PPIG: variants seen among roughly 807,000 people sequenced by gnomAD.
PPIG encodes peptidylprolyl isomerase G.
Under a neutral mutation model 87.9 loss-of-function variants are expected in PPIG, and 26 were observed. That is an observed-to-expected ratio of 0.30 (90% CI 0.22 to 0.41). The LOEUF is 0.41. Ranked by LOEUF, PPIG falls within the 10% of genes least tolerant of loss-of-function variation. PPIG has a pLI of 1.00. For synonymous variants in PPIG, 308 were observed against 276.5 expected (o/e 1.11, Z -1.13); for missense variants, 722 against 879.4 (o/e 0.82, Z 2.26).
At chr2:169,626,197 C>T (rs529455660) in intron 9 of PPIG, among the ~76,000 whole-genome samples, 4 of 152,284 alleles carry the variant, frequency 2.6e-5, no homozygotes, top group East Asian at 1.9e-4. Context: ...TTTAGGTTAA[C>T]ACACATTCTG....
chr2:169,591,339 G>A (rs1225677356), intron 1 of PPIG, among the ~76,000 whole-genome samples: 8 of 152,134 alleles, frequency 5.3e-5, no homozygotes, highest in African/African-American at 1.7e-4. Flanking sequence ...ATAAATGATA[G>A]CACTGTGATA....
chr2:169,607,751 G>A (rs1685373467), intron 6 of PPIG, among the ~76,000 whole-genome samples: 1 of 152,192 alleles, frequency 6.6e-6, no homozygotes, highest in Admixed American at 6.5e-5. Flanking sequence ...TCCTTTTGCG[G>A]TAAGTGATGC....
At chr2:169,614,220 GT>G (rs770569728) in intron 7 of PPIG, among the ~76,000 whole-genome samples, 7 of 152,172 alleles carry the variant, frequency 4.6e-5, no homozygotes, top group Non-Finnish European at 8.8e-5. Context: ...TTACATAAAA[GT>G]TTTCAGCAGT....
chr2:169,631,907 CAGAG>C lies in PPIG; in HGVS notation c.911_914del (p.Arg304LysfsTer21), dbSNP rs771025371. 1 of 1,599,298 alleles carries C rather than the reference CAGAG, an allele frequency of 6.3e-7. No homozygotes were observed. The highest frequency in any genetic ancestry group is 8.6e-7 in the Non-Finnish European group (1 of 1,168,408). Reference sequence around the variant, plus strand: ...AAGCTGATGAGAAGGAAAGGAAAAACAGAGAGAGAGAAAGGGAAAGAGAGTGGTA... The same window carrying C: ...AAGCTGATGAGAAGGAAAGGAAAAACAGAGAGAAAGGGAAAGAGAGTGGTA... On this transcript the variant is annotated frameshift_variant, in exon 11 of 14. Coordinates refer to ENST00000260970, the MANE Select transcript of PPIG (RefSeq NM_004792.3). LOFTEE classifies it high-confidence loss of function.
chr2:169,592,885 TGTC>T (rs1211096403), intron 1 of PPIG, among the ~76,000 whole-genome samples: 2 of 152,214 alleles, frequency 1.3e-5, no homozygotes, highest in Non-Finnish European at 2.9e-5. Context: ...CATCTTTTGT[TGTC>T]ACCATTGTTT....
Position 169,637,383 on chromosome 2 carries a change from A to G in PPIG, c.2125A>G (p.Lys709Glu), listed in dbSNP as rs756186429. ...NELKSSMLKN[K>E]EDEKIRSSVE... ...ATTAAAGTCCTCCATGTTGAAAAAT[A>G]AGGAGGATGAGAAGATCAGATCCTC... The change falls in exon 14 of 14, where the codon AAG becomes GAG. Residue 709 changes from lysine to glutamate, a missense_variant. By Grantham distance (56) the Lys-to-Glu change is moderately conservative. Transcript: ENST00000260970. 1.9e-6 allele frequency: 3 copies of G among 1,612,772 alleles called. No homozygotes were observed. The highest frequency in any genetic ancestry group is 1.7e-5 in the Admixed American group (1 of 59,898).
At chr2:169,623,678 T>C (rs955995356) in intron 9 of PPIG, among the ~76,000 whole-genome samples, 1 of 152,206 alleles carries the variant, frequency 6.6e-6, no homozygotes, top group Non-Finnish European at 1.5e-5. Flanking sequence ...TTCAGTGTCC[T>C]TATTCTGAAA....
intron 6 of PPIG, among the ~76,000 whole-genome samples, chr2:169,607,868 TTTTTA>T (rs1685376834): frequency 1.3e-5 from 2 of 152,162 alleles, no homozygotes; most frequent in South Asian, 4.1e-4. Flanking sequence ...CTCACTCTTT[TTTTTA>T]AGAGATGGGA....
Position 169,638,922 on chromosome 2 carries a change from G to A in PPIG, c.*1399G>A, listed in dbSNP as rs537687219. On this transcript the variant is annotated 3_prime_UTR_variant, in exon 14 of 14. Transcript: ENST00000260970. ...TTAATAGGATTCTCTAGAGAGTTTTGTACTTTAATATTTGTCAGTGTAGTG... is the reference window on the plus strand; with the variant it reads ...TTAATAGGATTCTCTAGAGAGTTTTATACTTTAATATTTGTCAGTGTAGTG... The A allele has an allele frequency of 1.3e-5, 2 of 152,034 alleles. No individual in the cohort carries two copies. The highest frequency in any genetic ancestry group is 6.6e-5 in the Admixed American group (1 of 15,252). 9.4% of individuals were successfully genotyped at this position (152,034 alleles called of 1,614,324 possible).
rs1353423882 is a variant in PPIG at position 169,639,150 on chromosome 2, A to G, written c.*1627A>G. On this transcript the variant is annotated 3_prime_UTR_variant, in exon 14 of 14. Transcript: ENST00000260970. The stretch of plus-strand genomic sequence containing the variant: ...GAAAATTGTAATACAGATATCCACA[A>G]TGAATTCTTTCCAAAATTTTTTTTT... 6.6e-6 allele frequency: 1 copy of G among 152,048 alleles called. No homozygotes were observed. Among genetic ancestry groups the G allele is most frequent in the Non-Finnish European group, 1.5e-5 (1 of 67,922 alleles). 9.4% of individuals were successfully genotyped at this position (152,048 alleles called of 1,614,324 possible). A position where few individuals can be genotyped will look rare whatever the true frequency, so the allele number is the denominator to read the frequency against.
Position 169,630,826 on chromosome 2 carries a change from A to G in PPIG, c.600A>G (p.Ser200=). ...AATCATCATCATCTTCCTCCTCCTC[A>G]TCTAGTGACTCAGATAGCTCAAGTG... The part of the protein sequence containing the change: ...RHKSSSSSSS[S]SSDSDSSSDS... Residue 200 remains serine, a synonymous_variant, in exon 10 of 14, where the codon TCA becomes TCG. Coordinates refer to ENST00000260970, the MANE Select transcript of PPIG (RefSeq NM_004792.3). 6.2e-7 allele frequency: 1 copy of G among 1,612,676 alleles called. No individual in the cohort carries two copies. Among genetic ancestry groups the G allele is most frequent in the Non-Finnish European group, 8.5e-7 (1 of 1,179,500 alleles).
intron 9 of PPIG, among the ~76,000 whole-genome samples, chr2:169,624,523 C>T (rs1475599231): frequency 6.6e-6 from 1 of 152,134 alleles, no homozygotes; most frequent in Admixed American, 6.5e-5. Context: ...TTTACCTTAA[C>T]GATACTTACA....
chr2:169,633,379 T>C lies in PPIG; in HGVS notation c.1017+132T>C, dbSNP rs780030932. On this transcript the variant is annotated intron_variant, in intron 12 of 13. Transcript: ENST00000260970. ...TAGGGGAGATGCAGGCATTGAATTA[T>C]ATATTCTCTTTCTTAAGCAGCTTCT... is the stretch of plus-strand genomic sequence containing the variant. 8 of 720,842 alleles carry C rather than the reference T, an allele frequency of 1.1e-5. No individual in the cohort carries two copies. In the Admixed American group the frequency reaches 1.3e-4, roughly 12 times the overall value. The allele number at this position is 720,842 out of a possible 1,614,324, so 44.7% of individuals were successfully genotyped here. A position where few individuals can be genotyped will look rare whatever the true frequency, so the allele number is the denominator to read the frequency against.
chr2:169,623,189 A>G (rs1685801944), intron 9 of PPIG, among the ~76,000 whole-genome samples: 1 of 152,198 alleles, frequency 6.6e-6, no homozygotes, highest in Non-Finnish European at 1.5e-5. Context: ...CATCCCCTGT[A>G]GAGGCTCAGC....
intron 9 of PPIG, among the ~76,000 whole-genome samples, chr2:169,630,070 T>A (rs1000052548): frequency 6.6e-6 from 1 of 152,128 alleles, no homozygotes; most frequent in South Asian, 2.1e-4. Context: ...TTGTAGTATC[T>A]TCTTCTAATT....
At chr2:169,629,483 TGTG>T (rs1390543713) in intron 9 of PPIG, among the ~76,000 whole-genome samples, 3 of 152,202 alleles carry the variant, frequency 2.0e-5, no homozygotes. Context: ...TCTTGTAAGT[TGTG>T]TTTTGTTTCT....
At chr2:169,621,574 TA>T (rs1003207026) in intron 9 of PPIG, among the ~76,000 whole-genome samples, 11 of 151,808 alleles carry the variant, frequency 7.2e-5, no homozygotes, top group African/African-American at 2.4e-4. Context: ...ATACTAAAAA[TA>T]AAAAAAATCT....
intron 9 of PPIG, among the ~76,000 whole-genome samples, chr2:169,620,792 A>G (rs2105507326): frequency 6.6e-6 from 1 of 152,252 alleles, no homozygotes; most frequent in East Asian, 1.9e-4. Context: ...GGCTGATACT[A>G]TTTTATTACA....
chr2:169,590,993 C>T (rs1039531564), intron 1 of PPIG, among the ~76,000 whole-genome samples: 7 of 152,238 alleles, frequency 4.6e-5, no homozygotes, highest in East Asian at 3.9e-4. Context: ...AGCGGCATAG[C>T]GAGACCCTGT....
Sources: gnomAD v4.1 joint callset for allele counts (sites outside exome capture counted in the v4.1 genomes callset) on GRCh38, gnomAD v4.1.1 for gene constraint, MANE v1.5 for transcripts, NCBI Gene and HGNC (gene_info 2026-07-23, HGNC 2026-07-21) for gene names.